The following FBLN1 variants were observed in gnomAD, a reference collection of about 807,000 sequenced individuals.
FBLN1 encodes the protein fibulin-1.
In FBLN1, 34 loss-of-function variants were observed where a neutral mutation model predicts 89.7. The observed-to-expected ratio is 0.38, with a 90% CI of 0.29 to 0.50. The LOEUF is 0.50. Ranked by LOEUF, FBLN1 falls within the 20% of genes least tolerant of loss-of-function variation. The pLI, the probability that FBLN1 is intolerant of heterozygous loss-of-function variation, is 0.92. For missense variants in FBLN1, 777 were observed against 988.1 expected, an observed-to-expected ratio of 0.79 and a Z score of 2.86; for synonymous variants, 393 against 391.3, an observed-to-expected ratio of 1.00 and a Z score of -0.05.
chr22:45,550,468 G>C lies in FBLN1; in HGVS notation c.1574-24G>C. 6.2e-7 allele frequency: 1 copy of C among 1,613,738 alleles called. No individual in the cohort carries two copies. Among genetic ancestry groups the C allele is most frequent in the Non-Finnish European group, 8.5e-7 (1 of 1,179,940 alleles). On this transcript the variant is annotated intron_variant, in intron 13 of 16. Transcript: ENST00000327858. This position sits in a 1 kb window ranked among gnomAD's most constrained non-coding sequence, Gnocchi z 8.4. ...GGCTCCTGCAGCCTCTGCCTTCACT[G>C]TGCTGCTGTGGGGTCTCTTGCAGAC...
rs570124511 is a variant in FBLN1, at chr22:45,563,328, G to A, written c.1698-11183G>A. 3.0e-4 allele frequency: 481 copies of A among 1,609,412 alleles called. No homozygotes were observed. Among genetic ancestry groups the A allele is most frequent in the Non-Finnish European group, 3.7e-4 (438 of 1,179,452 alleles). The stretch of plus-strand genomic sequence containing the variant: ...CTTTCCTAACCCTGCCCTCCGGGGC[G>A]TTAATAAAGTCTTAGCAAGCGTCCC... On this transcript the variant is annotated intron_variant, in intron 14 of 16. Coordinates refer to ENST00000327858, the MANE Select transcript of FBLN1 (RefSeq NM_006486.3). The surrounding 1 kb of genome is among the most constrained non-coding windows in gnomAD (Gnocchi z 5.7).
rs755837069 is a variant in FBLN1, at chr22:45,563,003, A to G, written c.1698-11508A>G. On this transcript the variant is annotated intron_variant, in intron 14 of 16. Coordinates refer to ENST00000327858, the MANE Select transcript of FBLN1 (RefSeq NM_006486.3). The surrounding 1 kb of genome is among the most constrained non-coding windows in gnomAD (Gnocchi z 5.7). Reference sequence around the variant, plus strand: ...CTACCACCTCTCTTTCCCCACCAACATCCAAGCGCCCGCGGTGGTTTTCCG... The same window carrying G: ...CTACCACCTCTCTTTCCCCACCAACGTCCAAGCGCCCGCGGTGGTTTTCCG... 11 of 1,613,138 alleles carry G rather than the reference A, an allele frequency of 6.8e-6. No individual in the cohort carries two copies. The highest frequency in any genetic ancestry group is 9.3e-6 in the Non-Finnish European group (11 of 1,179,832).
chr22:45,512,447 G>A (rs1399833137), intron 1 of FBLN1, among the ~76,000 whole-genome samples: 1 of 152,074 alleles, frequency 6.6e-6, no homozygotes, highest in Non-Finnish European at 1.5e-5. Context: ...CGAGAGTCCT[G>A]GGCAGGCACT....
rs755489848 is a variant in FBLN1, at chr22:45,550,070, C to T, written c.1574-422C>T. Among the ~76,000 whole-genome samples, 79 of 152,218 alleles carry T rather than the reference C, an allele frequency of 5.2e-4. No individual in the cohort carries two copies. The highest frequency in any genetic ancestry group is 3.8e-4 in the Non-Finnish European group (26 of 68,012). ...GTATGGACTCTGATGCCAGCCTGCCCGGGTTCAAAGCTCAGCTCTGACATT... is the reference window on the plus strand; with the variant it reads ...GTATGGACTCTGATGCCAGCCTGCCTGGGTTCAAAGCTCAGCTCTGACATT... On this transcript the variant is annotated intron_variant, in intron 13 of 16. Coordinates refer to ENST00000327858, the MANE Select transcript of FBLN1 (RefSeq NM_006486.3). This position sits in a 1 kb window ranked among gnomAD's most constrained non-coding sequence, Gnocchi z 8.4.
Position 45,531,446 on chromosome 22 carries a change from G to T in FBLN1, c.544+122G>T. ...AAGGCAGGAGGATTCCTTGAGCCCA[G>T]GAGGTTGTGGCTGCAGTGAGCTATG... On this transcript the variant is annotated intron_variant, in intron 5 of 16. Coordinates refer to ENST00000327858, the MANE Select transcript of FBLN1 (RefSeq NM_006486.3). This position sits in a 1 kb window ranked among gnomAD's most constrained non-coding sequence, Gnocchi z 4.9. The T allele has an allele frequency of 1.2e-6, 1 of 840,268 alleles. No individual in the cohort carries two copies. Among genetic ancestry groups the T allele is most frequent in the East Asian group, 2.5e-5 (1 of 39,990 alleles). The allele number at this position is 840,268 out of a possible 1,614,324, so 52.1% of individuals were successfully genotyped here. A position where few individuals can be genotyped will look rare whatever the true frequency, so the allele number is the denominator to read the frequency against.
rs376859742 is a variant in FBLN1, at chr22:45,574,565, C to G, written c.1752C>G (p.Asn584Lys). Residue 584 changes from asparagine (N) to lysine (K), a missense_variant, in exon 15 of 17, where the codon AAC becomes AAG. Coordinates refer to ENST00000327858, the MANE Select transcript of FBLN1 (RefSeq NM_006486.3). The surrounding 1 kb of genome is among the most constrained non-coding windows in gnomAD (Gnocchi z 4.1). ...TVRCIKSCRP[N>K]DVTCVFDPVH... ...GCTGCATCAAGTCCTGCCGCCCCAA[C>G]GATGTCACATGCGTGTTCGACCCCG... 6.2e-7 allele frequency: 1 copy of G among 1,614,174 alleles called. No individual in the cohort carries two copies. Among genetic ancestry groups the G allele is most frequent in the South Asian group, 1.1e-5 (1 of 91,084 alleles).
chr22:45,517,317 C>A, intron 1 of FBLN1: 1 of 325,788 alleles, frequency 3.1e-6, no homozygotes, highest in Non-Finnish European at 6.0e-6. Flanking sequence ...GGCTGTCGTG[C>A]TAATGCTTTC....
At chr22:45,598,118 ACAGT>A (rs969054108) in intron 16 of FBLN1, among the ~76,000 whole-genome samples, 2 of 152,208 alleles carry the variant, frequency 1.3e-5, no homozygotes, top group African/African-American at 2.4e-5. Flanking sequence ...TTTGTGGCAA[ACAGT>A]CAGTAGCTAT....
At chr22:45,568,976 T>C (rs1156404341) in intron 14 of FBLN1, among the ~76,000 whole-genome samples, 1 of 152,222 alleles carries the variant, frequency 6.6e-6, no homozygotes, top group African/African-American at 2.4e-5. Flanking sequence ...ATCTTGTGTG[T>C]CTTTGTCGTC....
chr22:45,564,118 C>T (rs111850483), intron 14 of FBLN1, among the ~76,000 whole-genome samples: 3,575 of 152,234 alleles, frequency 0.023, 155 homozygotes, highest in African/African-American at 0.079. Context: ...AGCTGGTATC[C>T]GAGCCCTGGT....
At chr22:45,540,204 C>T (rs2088536640) in intron 8 of FBLN1, among the ~76,000 whole-genome samples, 1 of 152,190 alleles carries the variant, frequency 6.6e-6, no homozygotes, top group Non-Finnish European at 1.5e-5. Context: ...CTGGTTGGCC[C>T]CTGACTTCAG....
rs151283574 is a variant in FBLN1, at chr22:45,600,703, C to T, written c.*257C>T. ...TAATGCGAAGGCTAAGTGTCACCCC[C>T]TTTCTCTGCCTCTGGCTGGGCCTTG... On this transcript the variant is annotated 3_prime_UTR_variant, in exon 17 of 17. Transcript: ENST00000327858. 40 of 526,300 alleles carry T rather than the reference C, an allele frequency of 7.6e-5. No individual in the cohort carries two copies. Among genetic ancestry groups the T allele is most frequent in the African/African-American group, 6.9e-4 (36 of 52,444 alleles). 32.6% of individuals were successfully genotyped at this position (526,300 alleles called of 1,614,324 possible).
intron 7 of FBLN1, among the ~76,000 whole-genome samples, chr22:45,534,271 G>T (rs139148552): frequency 1.4e-3 from 158 of 112,416 alleles, no homozygotes; most frequent in African/African-American, 5.3e-3. Context: ...ATGAATTTCA[G>T]GTTCTCACAT....
At chr22:45,516,993 T>G (rs906347853) in intron 1 of FBLN1, among the ~76,000 whole-genome samples, 1 of 152,236 alleles carries the variant, frequency 6.6e-6, no homozygotes, top group Non-Finnish European at 1.5e-5. Flanking sequence ...CCTCCCCTGC[T>G]GAGAACGGGA....
chr22:45,526,826 C>T (rs541946696), intron 3 of FBLN1, among the ~76,000 whole-genome samples: 3 of 152,182 alleles, frequency 2.0e-5, no homozygotes, highest in South Asian at 2.1e-4. Context: ...TGACTGCCCC[C>T]GCACCCTCCC....
chr22:45,532,570 G>A lies in FBLN1; in HGVS notation c.545-493G>A, dbSNP rs556319911. On this transcript the variant is annotated intron_variant, in intron 5 of 16. Coordinates refer to ENST00000327858, the MANE Select transcript of FBLN1 (RefSeq NM_006486.3). The surrounding 1 kb of genome is among the most constrained non-coding windows in gnomAD (Gnocchi z 4.2). The stretch of plus-strand genomic sequence containing the variant: ...CTGTAGGAAGAACAGGTTGTGGGGT[G>A]CTTCTGGGCTATGCAGAAAGACCAG... 1.3e-5 allele frequency among the ~76,000 whole-genome samples: 2 copies of A among 152,306 alleles called. No individual in the cohort carries two copies. Among genetic ancestry groups the A allele is most frequent in the East Asian group, 3.9e-4 (2 of 5,182 alleles).
intron 11 of FBLN1, among the ~76,000 whole-genome samples, chr22:45,546,481 T>A (rs1364651841): frequency 2.0e-5 from 3 of 152,256 alleles, no homozygotes; most frequent in African/African-American, 7.2e-5. Flanking sequence ...CCCGAAGTGC[T>A]GGAATTACAG....
At chr22:45,538,819 C>T (rs1441769539) in intron 8 of FBLN1, among the ~76,000 whole-genome samples, 2 of 152,132 alleles carry the variant, frequency 1.3e-5, no homozygotes, top group African/African-American at 4.8e-5. Flanking sequence ...GCTCCTAGAA[C>T]CATCCTGGGG....
chr22:45,518,461 G>T (rs2088200583), intron 1 of FBLN1: 1 of 607,610 alleles, frequency 1.6e-6, no homozygotes, highest in Non-Finnish European at 3.0e-6. Flanking sequence ...TCAGATGGGG[G>T]AGGATTCAGG....
Sources: allele counts gnomAD v4.1 joint callset (sites outside exome capture counted in the v4.1 genomes callset), GRCh38; gene constraint gnomAD v4.1.1; non-coding constraint Gnocchi (gnomAD v3.1); transcripts MANE v1.5; gene names NCBI Gene and HGNC (gene_info 2026-07-23, HGNC 2026-07-21).